The following ATG16L2 variants were observed in gnomAD, a reference collection of about 807,000 sequenced individuals.
ATG16L2 encodes the protein protein Atg16l2.
ATG16L2 carries 77 observed loss-of-function variants against 84.7 expected under a neutral mutation model. The observed-to-expected ratio is 0.91, with a 90% CI of 0.76 to 1.10. The LOEUF (loss-of-function observed/expected upper bound fraction) is 1.10. Among genes scored for constraint, ATG16L2 ranks in the 50% least tolerant of loss-of-function variants. The pLI is 0.00. For synonymous variants in ATG16L2, 361 were observed against 342.8 expected, an observed-to-expected ratio of 1.05 and a Z score of -0.59; for missense variants, 782 against 817.6, an observed-to-expected ratio of 0.96 and a Z score of 0.53.
intron 5 of ATG16L2, among the ~76,000 whole-genome samples, chr11:72,836,039 C>T (rs554734887): frequency 6.6e-4 from 100 of 152,210 alleles, no homozygotes; most frequent in Non-Finnish European, 1.2e-3. Flanking sequence ...TGAGCCACTG[C>T]GCCCGGCTGA....
At chr11:72,820,307 C>G (rs1859919858) in intron 3 of ATG16L2, 1 of 152,164 alleles carries the variant, frequency 6.6e-6, no homozygotes, top group Non-Finnish European at 1.5e-5. Context: ...GTGTAACCAT[C>G]AAGATATGGC....
intron 11 of ATG16L2, 124 bp downstream of exon 11, chr11:72,826,367 C>A: frequency 1.4e-6 from 2 of 1,422,830 alleles, no homozygotes; most frequent in South Asian, 1.3e-5. Context: ...TGGGCTCTTA[C>A]ACAGATCCTC....
intron 5 of ATG16L2, chr11:72,838,858 G>A (rs779305377): frequency 6.2e-7 from 1 of 1,607,490 alleles, no homozygotes; most frequent in Non-Finnish European, 8.5e-7. Context: ...TGTAGGTGGA[G>A]GGGGAGCTGC....
chr11:72,829,077 C>A, intron 17 of ATG16L2, 93 bp downstream of exon 17: 3 of 1,320,912 alleles, frequency 2.3e-6, no homozygotes, highest in Non-Finnish European at 3.2e-6. Flanking sequence ...AGTCCCCAGC[C>A]CTTGTCCCTC....
chr11:72,825,500 T>C (rs979879598), intron 10 of ATG16L2, 93 bp downstream of exon 10: 2 of 939,682 alleles, frequency 2.1e-6, no homozygotes, highest in African/African-American at 1.6e-5. Context: ...TGGATCTCTT[T>C]GTGTTTCTCT....
At position 72,814,470 on chromosome 11, in the gene ATG16L2, G is replaced by GC; in HGVS notation, c.30dup (p.Ala11ArgfsTer31). ...CATGGCGGGGCCGGGCGTCCCCGGT[G>GC]CCCCCGCAGCGCGCTGGAAACGCCA... On this transcript the variant is annotated frameshift_variant, in exon 1 of 18. Coordinates refer to ENST00000321297, the MANE Select transcript of ATG16L2 (RefSeq NM_033388.2). LOFTEE classifies it high-confidence loss of function. 6.6e-7 allele frequency: 1 copy of GC among 1,515,762 alleles called. No individual in the cohort carries two copies. Among genetic ancestry groups the GC allele is most frequent in the Non-Finnish European group, 8.9e-7 (1 of 1,127,662 alleles). 93.9% of individuals were successfully genotyped at this position (1,515,762 alleles called of 1,614,324 possible).
At chr11:72,814,655 C>T (rs1265376955) in intron 1 of ATG16L2, 92 bp downstream of exon 1, 6 of 1,073,248 alleles carry the variant, frequency 5.6e-6, no homozygotes, top group African/African-American at 1.6e-5. Flanking sequence ...CGCCTGTGAC[C>T]CGAGTGCGCT....
At position 72,826,548 on chromosome 11, in the gene ATG16L2, C is replaced by G; in HGVS notation, c.1204C>G (p.Gln402Glu). The change falls in exon 12 of 18, where the codon CAG (glutamine) becomes GAG (glutamate). Residue 402 changes from glutamine to glutamate, a missense_variant. Coordinates refer to ENST00000321297, the MANE Select transcript of ATG16L2 (RefSeq NM_033388.2). The stretch of plus-strand genomic sequence containing the variant: ...CCAGGTTTTAGCAGCAACTTACAAC[C>G]AGGCTGCCCAGCTCTGGAAGGTGGG... ...GYQVLAATYN[Q>E]AAQLWKVGEA... The G allele has an allele frequency of 6.2e-7, 1 of 1,614,136 alleles. No homozygotes were observed. The highest frequency in any genetic ancestry group is 1.7e-4 in the Middle Eastern group (1 of 6,050).
intron 14 of ATG16L2, among the ~76,000 whole-genome samples, chr11:72,827,951 CCAAAAA>C (rs372298404): frequency 3.4e-4 from 51 of 152,214 alleles, no homozygotes; most frequent in African/African-American, 4.6e-4. Context: ...AAAACCAAAA[CCAAAAA>C]CAAAACAAAA....
Position 72,828,637 on chromosome 11 carries a change from C to A in ATG16L2, c.1623-92C>A, listed in dbSNP as rs1021628759. On this transcript the variant is annotated intron_variant, in intron 15 of 17. Transcript: ENST00000321297. ...GACCAGGTCCTGCTGAGGTACCAAA[C>A]CCCTCGACAAAGAGGAAGCTCTGGA... is the stretch of plus-strand genomic sequence containing the variant. The A allele has an allele frequency of 1.3e-5, 20 of 1,593,648 alleles. No homozygotes were observed. The African/African-American group carries it at 1.9e-4, about 15-fold the overall frequency.
intron 1 of ATG16L2, 138 bp downstream of exon 1, chr11:72,814,701 C>T (rs1859602811): frequency 1.6e-6 from 1 of 618,194 alleles, no homozygotes; most frequent in East Asian, 3.5e-5. Context: ...TTACGCCCAT[C>T]CCGACTGCCA....
At chr11:72,842,383 A>G (rs1860986230) in intron 5 of ATG16L2, among the ~76,000 whole-genome samples, 1 of 152,242 alleles carries the variant, frequency 6.6e-6, no homozygotes, top group Admixed American at 6.5e-5. Context: ...ATTTTGGTTA[A>G]CCAATTCAAG....
intron 17 of ATG16L2, 152 bp from the exon 18 acceptor site, chr11:72,829,151 A>T: frequency 9.2e-7 from 1 of 1,092,088 alleles, no homozygotes; most frequent in Non-Finnish European, 1.3e-6. Context: ...ACTTGGTTCC[A>T]TCCTTTCCAC....
chr11:72,824,623 C>A lies in ATG16L2; in HGVS notation c.888-111C>A, dbSNP rs573135338. On this transcript the variant is annotated intron_variant, in intron 8 of 17. Transcript: ENST00000321297. ...TCTCGCTGCTCCTTGGGGCCATGTT[C>A]TGCCGCCTGCCATGTCTGCTTCCTA... 1.8e-4 allele frequency: 147 copies of A among 805,504 alleles called. 1 individual carries two copies. In the East Asian group the frequency reaches 3.7e-3, roughly 20 times the overall value. 49.9% of individuals were successfully genotyped at this position (805,504 alleles called of 1,614,324 possible). A position where few individuals can be genotyped will look rare whatever the true frequency, so the allele number is the denominator to read the frequency against.
chr11:72,843,144 T>C (rs1431850614), exon 6 of ATG16L2: 1 of 1,613,580 alleles, frequency 6.2e-7, no homozygotes, highest in African/African-American at 1.3e-5. Flanking sequence ...CTTGTTTCAG[T>C]CTTTACCACT....
chr11:72,826,075 G>T (rs1344920561), intron 10 of ATG16L2, 98 bp from the exon 11 acceptor site: 2 of 968,640 alleles, frequency 2.1e-6, no homozygotes, highest in Non-Finnish European at 1.6e-6. Flanking sequence ...ATGTGTCGGG[G>T]GGTGGGGCGG....
chr11:72,819,955 T>C (rs58682117), intron 3 of ATG16L2, among the ~76,000 whole-genome samples: 40,214 of 151,910 alleles, frequency 0.26, 5,575 homozygotes, highest in Middle Eastern at 0.4. Context: ...CCATGTTAGC[T>C]AGGATGGTTT....
At position 72,822,905 on chromosome 11, in the gene ATG16L2, C is replaced by T; in HGVS notation, c.768C>T (p.Ala256=). Reference sequence around the variant, plus strand: ...AGAGAAGGGAGACTCTGGCTCTGGCCCCTGAGCCAGAGCCCCTGGAGAAGG... The same window carrying T: ...AGAGAAGGGAGACTCTGGCTCTGGCTCCTGAGCCAGAGCCCCTGGAGAAGG... ...MRERRETLAL[A]PEPEPLEKEA... The change falls in exon 7 of 18, where the codon GCC becomes GCT. Residue 256 remains alanine (A), a synonymous_variant. Coordinates refer to ENST00000321297, the MANE Select transcript of ATG16L2 (RefSeq NM_033388.2). The surrounding 1 kb of genome is among the most constrained non-coding windows in gnomAD (Gnocchi z 4.2). The T allele has an allele frequency of 6.3e-7, 1 of 1,579,770 alleles. No individual in the cohort carries two copies. The highest frequency in any genetic ancestry group is 8.6e-7 in the Non-Finnish European group (1 of 1,162,564).
intron 17 of ATG16L2, 104 bp downstream of exon 17, chr11:72,829,088 C>T: frequency 8.0e-7 from 1 of 1,248,324 alleles, no homozygotes; most frequent in Non-Finnish European, 1.2e-6. Flanking sequence ...CTTGTCCCTC[C>T]ACCTTCCACC....
Sources: allele counts gnomAD v4.1 joint callset (sites outside exome capture counted in the v4.1 genomes callset), GRCh38; gene constraint gnomAD v4.1.1; non-coding constraint Gnocchi (gnomAD v3.1); transcripts MANE v1.5; gene names NCBI Gene and HGNC (gene_info 2026-07-23, HGNC 2026-07-21).